Variants in MIS18BP1 observed in about 807,000 individuals in gnomAD.
MIS18BP1 encodes MIS18 binding protein 1, also known as mis18-binding protein 1.
In MIS18BP1, 72 loss-of-function variants were observed where a neutral mutation model predicts 116.1. That is an observed-to-expected ratio of 0.62 (90% CI 0.51 to 0.75). MIS18BP1 has a LOEUF of 0.75. MIS18BP1 is among the 30% of genes least tolerant of loss of function. The pLI is 0.00. For synonymous variants in MIS18BP1, 386 were observed against 427.0 expected, an observed-to-expected ratio of 0.90 and a Z score of 1.18; for missense variants, 1,363 against 1,303.2, an observed-to-expected ratio of 1.05 and a Z score of -0.71.
At chr14:45,205,121 G>T (rs1890478348) in intron 15 of MIS18BP1, among the ~76,000 whole-genome samples, 1 of 152,038 alleles carries the variant, frequency 6.6e-6, no homozygotes, top group African/African-American at 2.4e-5. Context: ...AAATATAGTA[G>T]CCCTTAGAGT....
rs543799724 is a variant in MIS18BP1 at position 45,232,767 on chromosome 14, T to C, written c.1402A>G (p.Lys468Glu). Reference sequence around the variant, plus strand: ...TCCAGAAAATTATCAATGTGCTCTTTCCAATTTTCTGGAAATCCAAACATA... The same window carrying C: ...TCCAGAAAATTATCAATGTGCTCTTCCCAATTTTCTGGAAATCCAAACATA... ...KFMFGFPENW[K>E]EHIDNFLEQL... Residue 468 changes from lysine to glutamate, a missense_variant, in exon 7 of 17, where the codon AAA becomes GAA. Physicochemically the swap from Lys to Glu is moderately conservative, Grantham distance 56 (BLOSUM62 1). Transcript: ENST00000310806. 4.6e-5 allele frequency: 69 copies of C among 1,486,952 alleles called. No individual in the cohort carries two copies. In the South Asian group the frequency reaches 7.9e-4, roughly 17 times the overall value. The allele number at this position is 1,486,952 out of a possible 1,614,324, so 92.1% of individuals were successfully genotyped here.
intron 6 of MIS18BP1, among the ~76,000 whole-genome samples, chr14:45,235,590 CAA>C (rs77272289): frequency 4.4e-5 from 3 of 68,712 alleles, no homozygotes; most frequent in Non-Finnish European, 6.0e-5. Context: ...ACTCCATTTC[CAA>C]AAAAAAAAAA....
At position 45,224,147 on chromosome 14, in the gene MIS18BP1, GAAT is replaced by G. The variant is rs774384101; in HGVS notation, c.2437_2439del (p.Ile813del). On this transcript the variant is annotated inframe_deletion, in exon 11 of 17. Coordinates refer to ENST00000310806, the MANE Select transcript of MIS18BP1 (RefSeq NM_018353.5). The stretch of plus-strand genomic sequence containing the variant: ...TCAGTTTCAGGTTCCAAAATCACTG[GAAT>G]ATTACTTGTGTTTCTTGTGCTCTTT... The G allele has an allele frequency of 1.9e-6, 3 of 1,613,758 alleles. No individual in the cohort carries two copies. Among genetic ancestry groups the G allele is most frequent in the Non-Finnish European group, 2.5e-6 (3 of 1,179,930 alleles).
chr14:45,214,868 C>G (rs1340194279), intron 13 of MIS18BP1, among the ~76,000 whole-genome samples: 2 of 152,222 alleles, frequency 1.3e-5, no homozygotes, highest in African/African-American at 4.8e-5. Flanking sequence ...TATCTCACCT[C>G]AGCATCCCCA....
intron 7 of MIS18BP1, among the ~76,000 whole-genome samples, chr14:45,232,057 T>C (rs1441198467): frequency 3.3e-5 from 5 of 152,196 alleles, no homozygotes; most frequent in Admixed American, 3.3e-4. Flanking sequence ...ATTTACTAAA[T>C]ACAACAGAAG....
chr14:45,206,425 T>TGTA (rs1443284855), intron 14 of MIS18BP1: 1 of 330,856 alleles, frequency 3.0e-6, no homozygotes, highest in Non-Finnish European at 5.6e-6. Context: ...TAGCTTGGAC[T>TGTA]ACAGGCACGT....
chr14:45,218,198 G>A, intron 12 of MIS18BP1, 84 bp downstream of exon 12: 1 of 1,343,630 alleles, frequency 7.4e-7, no homozygotes, highest in African/African-American at 1.5e-5. Context: ...TAATATTCAT[G>A]GATAAATATA....
intron 13 of MIS18BP1, among the ~76,000 whole-genome samples, chr14:45,214,529 G>C (rs561516994): frequency 6.6e-6 from 1 of 152,080 alleles, no homozygotes; most frequent in Non-Finnish European, 1.5e-5. Context: ...GACCAGGGGC[G>C]CCGCCCGGGG....
intron 8 of MIS18BP1, among the ~76,000 whole-genome samples, chr14:45,228,292 CTTTT>C (rs1256832411): frequency 6.6e-6 from 1 of 152,162 alleles, no homozygotes; most frequent in Non-Finnish European, 1.5e-5. Context: ...GTTTGAATCA[CTTTT>C]TTTCCTTCAA....
intron 12 of MIS18BP1, 120 bp downstream of exon 12, chr14:45,218,162 C>T (rs890201384): frequency 8.9e-7 from 1 of 1,126,026 alleles, no homozygotes. Flanking sequence ...TTCTCTCTAG[C>T]TTTAAAATTT....
At chr14:45,227,186 C>G (rs978150210) in intron 9 of MIS18BP1, among the ~76,000 whole-genome samples, 9 of 152,010 alleles carry the variant, frequency 5.9e-5, no homozygotes, top group African/African-American at 2.2e-4. Context: ...CATTCAGTCC[C>G]CAAGTAAATG....
At chr14:45,223,183 G>A (rs1389695796) in intron 11 of MIS18BP1, among the ~76,000 whole-genome samples, 1 of 152,202 alleles carries the variant, frequency 6.6e-6, no homozygotes, top group Non-Finnish European at 1.5e-5. Flanking sequence ...ACCCAGAACT[G>A]GAGAGCTCCT....
intron 13 of MIS18BP1, among the ~76,000 whole-genome samples, chr14:45,212,098 GT>G (rs1890690012): frequency 6.6e-6 from 1 of 152,096 alleles, no homozygotes; most frequent in Non-Finnish European, 1.5e-5. Context: ...ACATTGGACT[GT>G]CCCCTGGGGA....
intron 3 of MIS18BP1, 45 bp from the exon 4 acceptor site, chr14:45,242,563 G>T: frequency 6.5e-7 from 1 of 1,531,048 alleles, no homozygotes; most frequent in South Asian, 1.3e-5. Flanking sequence ...ATTATAGAAG[G>T]ATCACAGGAA....
chr14:45,250,780 G>A (rs897222535), intron 1 of MIS18BP1, among the ~76,000 whole-genome samples: 1 of 151,920 alleles, frequency 6.6e-6, no homozygotes, highest in Non-Finnish European at 1.5e-5. Context: ...CCAGCACTTT[G>A]GGAGGCCAAG....
intron 13 of MIS18BP1, among the ~76,000 whole-genome samples, chr14:45,214,247 GTGTAAAACCCGAC>G (rs1890753754): frequency 6.6e-6 from 1 of 152,204 alleles, no homozygotes; most frequent in Non-Finnish European, 1.5e-5. Flanking sequence ...GAATATCTCA[GTGTAAAACCCGAC>G]TGTATGTTCT....
intron 13 of MIS18BP1, among the ~76,000 whole-genome samples, chr14:45,211,557 T>G (rs1156809390): frequency 6.6e-6 from 1 of 152,192 alleles, no homozygotes; most frequent in Non-Finnish European, 1.5e-5. Flanking sequence ...CACCCACACT[T>G]CCCTTTGCTG....
rs1366115305 is a variant in MIS18BP1 at position 45,218,465 on chromosome 14, T to C, written c.2670-11A>G. 6.3e-7 allele frequency: 1 copy of C among 1,581,394 alleles called. No individual in the cohort carries two copies. On this transcript the variant is annotated splice_polypyrimidine_tract_variant and intron_variant, in intron 11 of 16. Transcript: ENST00000310806. ...AGAGATGCAAAAGCACTATGGAAGA[T>C]CAAAACCAATTAAAGAATAAGAAAT...
In MIS18BP1 at chr14:45,224,207, C is replaced by T; in HGVS notation, c.2380G>A (p.Gly794Arg). 6.2e-7 allele frequency: 1 copy of T among 1,613,904 alleles called. No individual in the cohort carries two copies. The change falls in exon 11 of 17, where the codon GGA (glycine) becomes AGA (arginine). Residue 794 changes from glycine to arginine, a missense_variant. Gly to Arg is a moderately radical substitution (Grantham distance 125). Transcript: ENST00000310806. ...TGAACCACTGCTTCTTTGGTGTTTCCTGCTTTGGTTTTCTTAACTTCAGCT... is the reference window on the plus strand; with the variant it reads ...TGAACCACTGCTTCTTTGGTGTTTCTTGCTTTGGTTTTCTTAACTTCAGCT... ...RKAEVKKTKAGNTKEAVVHLR... is the reference protein window; with the variant it reads ...RKAEVKKTKARNTKEAVVHLR...
Sources: gnomAD v4.1 joint callset for allele counts (sites outside exome capture counted in the v4.1 genomes callset) on GRCh38, gnomAD v4.1.1 for gene constraint, MANE v1.5 for transcripts, NCBI Gene and HGNC (gene_info 2026-07-23, HGNC 2026-07-21) for gene names.